The following MYO1D variants were observed in gnomAD, a reference collection of about 807,000 sequenced individuals.
The protein encoded by MYO1D is unconventional myosin-Id.
MYO1D carries 83 observed loss-of-function variants against 122.0 expected under a neutral mutation model. The ratio of observed to expected loss-of-function variants is 0.68; its 90% CI spans 0.57 to 0.82. The LOEUF (loss-of-function observed/expected upper bound fraction) is 0.82, where lower values mean the gene tolerates loss of function less well. Among genes scored for constraint, MYO1D ranks in the 40% least tolerant of loss-of-function variants. MYO1D has a pLI of 0.00. For synonymous variants in MYO1D, 464 were observed against 446.9 expected, an observed-to-expected ratio of 1.04 and a Z score of -0.48; for missense variants, 1,157 against 1,269.5, an observed-to-expected ratio of 0.91 and a Z score of 1.35.
At chr17:32,659,424 C>T in intron 16 of MYO1D, 86 bp from the exon 17 acceptor site, 2 of 1,357,306 alleles carry the variant, frequency 1.5e-6, no homozygotes, top group Non-Finnish European at 2.1e-6. Context: ...CCTCTACTTA[C>T]AAACTCAACC....
chr17:32,584,954 T>C (rs1010337315), intron 21 of MYO1D, among the ~76,000 whole-genome samples: 3 of 152,210 alleles, frequency 2.0e-5, no homozygotes, highest in African/African-American at 7.2e-5. Flanking sequence ...TCCTGTCAAA[T>C]ACTCATTCCT....
chr17:32,632,606 CACACACACACACACACACACAT>C (rs1461873994), intron 20 of MYO1D: 5 of 150,592 alleles, frequency 3.3e-5, no homozygotes, highest in Non-Finnish European at 7.4e-5. Context: ...CACACACACA[CACACACACACACACACACACAT>C]ATATATATAT....
intron 1 of MYO1D, among the ~76,000 whole-genome samples, chr17:32,836,749 TATTA>T (rs1374604351): frequency 1.3e-5 from 2 of 152,204 alleles, no homozygotes; most frequent in African/African-American, 2.4e-5. Flanking sequence ...CATATAATTA[TATTA>T]ATTATTACAT....
intron 13 of MYO1D, among the ~76,000 whole-genome samples, chr17:32,741,154 G>A (rs2089767755): frequency 6.6e-6 from 1 of 151,256 alleles, no homozygotes; most frequent in Non-Finnish European, 1.5e-5. Context: ...CTTGAGCCCA[G>A]GAGTTCAGGG....
chr17:32,544,140 C>T (rs1910941856), intron 21 of MYO1D, among the ~76,000 whole-genome samples: 1 of 150,016 alleles, frequency 6.7e-6, no homozygotes, highest in Non-Finnish European at 1.5e-5. Flanking sequence ...CTGTTGCCCA[C>T]ACTGGAGTGC....
chr17:32,813,642 TA>T (rs2090590502), intron 1 of MYO1D, among the ~76,000 whole-genome samples: 1 of 151,950 alleles, frequency 6.6e-6, no homozygotes, highest in African/African-American at 2.4e-5. Context: ...ACAGTAACAG[TA>T]AAGGAAAGGA....
At chr17:32,840,196 C>A (rs1374326182) in intron 1 of MYO1D, among the ~76,000 whole-genome samples, 4 of 152,128 alleles carry the variant, frequency 2.6e-5, no homozygotes. Flanking sequence ...ACAAAAAGCC[C>A]AGGGTGTTAC....
intron 19 of MYO1D, among the ~76,000 whole-genome samples, chr17:32,643,675 C>A (rs2088240502): frequency 6.6e-6 from 1 of 152,084 alleles, no homozygotes; most frequent in Non-Finnish European, 1.5e-5. Flanking sequence ...AGGAATTTAT[C>A]CATTTCTTCT....
chr17:32,748,256 G>A (rs1295263660), intron 12 of MYO1D, among the ~76,000 whole-genome samples: 1 of 152,088 alleles, frequency 6.6e-6, no homozygotes, highest in African/African-American at 2.4e-5. Context: ...TAGCAAAAAT[G>A]GTTTTTGCTT....
chr17:32,848,520 A>T (rs1221968044), intron 1 of MYO1D, among the ~76,000 whole-genome samples: 1 of 152,228 alleles, frequency 6.6e-6, no homozygotes, highest in Non-Finnish European at 1.5e-5. Flanking sequence ...TATGAAAACA[A>T]GTAGTTCTGT....
intron 14 of MYO1D, among the ~76,000 whole-genome samples, chr17:32,721,666 T>C (rs2089512922): frequency 6.6e-6 from 1 of 152,238 alleles, no homozygotes; most frequent in South Asian, 2.1e-4. Context: ...TCAGCCATCA[T>C]TATTAATATT....
At chr17:32,849,143 A>G (rs1357959633) in intron 1 of MYO1D, among the ~76,000 whole-genome samples, 2 of 151,840 alleles carry the variant, frequency 1.3e-5, no homozygotes, top group East Asian at 3.9e-4. Flanking sequence ...TAGAATGGCA[A>G]TCATTAAAAA....
intron 3 of MYO1D, among the ~76,000 whole-genome samples, chr17:32,777,065 T>C (rs907111973): frequency 2.6e-5 from 4 of 152,146 alleles, no homozygotes; most frequent in Non-Finnish European, 5.9e-5. Context: ...TGTGAAAGAC[T>C]AGTAAATTTA....
At chr17:32,745,436 T>C in intron 12 of MYO1D, 151 bp from the exon 13 acceptor site, 1 of 545,370 alleles carries the variant, frequency 1.8e-6, no homozygotes, top group Admixed American at 3.5e-5. Context: ...TATTAAAGGA[T>C]ACCAAATTTA....
intron 20 of MYO1D, among the ~76,000 whole-genome samples, chr17:32,636,865 G>A (rs762933790): frequency 3.9e-5 from 6 of 152,206 alleles, no homozygotes; most frequent in Non-Finnish European, 5.9e-5. Flanking sequence ...CAAAGATGTT[G>A]GCTGCTGGAA....
At chr17:32,540,923 C>CAAAAAAAAAA (rs33945323) in intron 21 of MYO1D, among the ~76,000 whole-genome samples, 1 of 83,862 alleles carries the variant, frequency 1.2e-5, no homozygotes, top group African/African-American at 4.0e-5. Flanking sequence ...GACTTCGTCT[C>CAAAAAAAAAA]AAAAAAAAAA....
intron 21 of MYO1D, among the ~76,000 whole-genome samples, chr17:32,521,936 G>C (rs1330688133): frequency 6.6e-6 from 1 of 152,004 alleles, no homozygotes; most frequent in Non-Finnish European, 1.5e-5. Flanking sequence ...ACAAAAATTA[G>C]CCAGGTGCAG....
Position 32,653,943 on chromosome 17 carries a change from G to A in MYO1D, c.2495C>T (p.Pro832Leu). 6.2e-7 allele frequency: 1 copy of A among 1,610,642 alleles called. No individual in the cohort carries two copies. Among genetic ancestry groups the A allele is most frequent in the Admixed American group, 1.7e-5 (1 of 59,060 alleles). ...AGTGCCTGAGGTCTGAGGTGTATCT[G>A]GCTTCTGAAAGAGAAAGGAAACAAG... Reference protein sequence around the residue: ...AWEGNYLASKPDTPQTSGTFV... With the variant: ...AWEGNYLASKLDTPQTSGTFV... The change falls in exon 19 of 22, where the codon CCA (proline) becomes CTA (leucine). Residue 832 changes from proline (P) to leucine (L), a missense_variant. Transcript: ENST00000318217.
chr17:32,527,744 G>A (rs898772809), intron 21 of MYO1D, among the ~76,000 whole-genome samples: 3 of 152,188 alleles, frequency 2.0e-5, no homozygotes, highest in African/African-American at 7.2e-5. Context: ...TCTGTAGTGA[G>A]CTGTGACTGT....
Sources: allele counts gnomAD v4.1 joint callset (sites outside exome capture counted in the v4.1 genomes callset), GRCh38; gene constraint gnomAD v4.1.1; transcripts MANE v1.5; gene names NCBI Gene and HGNC (gene_info 2026-07-23, HGNC 2026-07-21).